Variants in PTPRN2 observed in about 807,000 individuals in gnomAD.
PTPRN2 encodes the protein protein tyrosine phosphatase receptor type N2, also known as receptor-type tyrosine-protein phosphatase N2.
In PTPRN2, 74 loss-of-function variants were observed where a neutral mutation model predicts 118.8. The observed-to-expected ratio is 0.62, with a 90% CI of 0.52 to 0.76. PTPRN2 has a LOEUF of 0.76. PTPRN2 is among the 30% of genes least tolerant of loss of function. The pLI is 0.00. For synonymous variants in PTPRN2, 641 were observed against 608.0 expected, an observed-to-expected ratio of 1.05 and a Z score of -0.80; for missense variants, 1,481 against 1,394.4, an observed-to-expected ratio of 1.06 and a Z score of -0.99.
chr7:157,816,578 C>T (rs531851321), intron 12 of PTPRN2, among the ~76,000 whole-genome samples: 1 of 152,338 alleles, frequency 6.6e-6, no homozygotes, highest in Admixed American at 6.5e-5. Flanking sequence ...CCCTAGTGTT[C>T]TTTTTACTGT....
intron 11 of PTPRN2, among the ~76,000 whole-genome samples, chr7:158,078,840 T>G (rs1052773597): frequency 4.0e-5 from 6 of 149,788 alleles, no homozygotes; most frequent in South Asian, 2.1e-4. Context: ...ATCTCTTGGG[T>G]TTTTTTTGTT....
chr7:158,327,609 A>C (rs1803757173), intron 2 of PTPRN2, among the ~76,000 whole-genome samples: 2 of 152,234 alleles, frequency 1.3e-5, no homozygotes, highest in Admixed American at 1.3e-4. Flanking sequence ...TCACACTCAG[A>C]ATAGCAGAAG....
chr7:158,400,605 G>A (rs998772590), intron 2 of PTPRN2, among the ~76,000 whole-genome samples: 7 of 152,100 alleles, frequency 4.6e-5, no homozygotes, highest in African/African-American at 1.2e-4. Context: ...TCTCAGCTAC[G>A]ATTCTCCTTG....
At chr7:158,356,697 C>A (rs781170496) in intron 2 of PTPRN2, among the ~76,000 whole-genome samples, 1 of 151,758 alleles carries the variant, frequency 6.6e-6, no homozygotes, top group Non-Finnish European at 1.5e-5. Context: ...ATCAGCCAGA[C>A]AGAGCCTGTG....
intron 3 of PTPRN2, among the ~76,000 whole-genome samples, chr7:158,270,783 A>ACCCCGTCCACCTGGGCCGC: frequency 2.0e-5 from 1 of 51,266 alleles, no homozygotes; most frequent in Non-Finnish European, 3.4e-5. Context: ...CACCTGGACC[A>ACCCCGTCCACCTGGGCCGC]CCCCTCCACC....
chr7:157,898,516 C>T (rs1472899785), intron 12 of PTPRN2, among the ~76,000 whole-genome samples, 157 bp downstream of exon 12: 1 of 152,176 alleles, frequency 6.6e-6, no homozygotes, highest in Non-Finnish European at 1.5e-5. Context: ...GTTTCCCACC[C>T]GCAGAGGATG....
At chr7:158,178,852 C>T (rs1031523231) in intron 5 of PTPRN2, among the ~76,000 whole-genome samples, 7 of 152,042 alleles carry the variant, frequency 4.6e-5, no homozygotes, top group African/African-American at 9.7e-5. Flanking sequence ...CTGCCTCGGC[C>T]GCCCAAAGTG....
In PTPRN2 at chr7:158,197,349, G is replaced by A. The variant is rs557404023; in HGVS notation, c.381-4854C>T. Among the ~76,000 whole-genome samples the A allele has an allele frequency of 4.3e-4, 65 of 152,260 alleles. 1 individual carries two copies. The highest frequency in any genetic ancestry group is 1.5e-3 in the African/African-American group (63 of 41,540). Reference sequence around the variant, plus strand: ...AGAAACACTTTAGGAAATACACTGGGGCTTGAGTGGATGTGGAACTCATTA... The same window carrying A: ...AGAAACACTTTAGGAAATACACTGGAGCTTGAGTGGATGTGGAACTCATTA... On this transcript the variant is annotated intron_variant, in intron 4 of 22. Coordinates refer to ENST00000389418, the MANE Select transcript of PTPRN2 (RefSeq NM_002847.5).
intron 11 of PTPRN2, among the ~76,000 whole-genome samples, chr7:157,978,114 T>C (rs1288950783): frequency 6.6e-6 from 1 of 151,978 alleles, no homozygotes; most frequent in Non-Finnish European, 1.5e-5. Flanking sequence ...GGTTTACAGA[T>C]GCCTTGGGCC....
At chr7:157,745,535 C>G (rs1201642733) in intron 12 of PTPRN2, among the ~76,000 whole-genome samples, 1 of 151,954 alleles carries the variant, frequency 6.6e-6, no homozygotes, top group Non-Finnish European at 1.5e-5. Context: ...GCTCCTCCGA[C>G]AATGCTCACC....
intron 3 of PTPRN2, among the ~76,000 whole-genome samples, chr7:158,249,031 C>G (rs548863693): frequency 1.4e-5 from 2 of 147,408 alleles, no homozygotes; most frequent in Non-Finnish European, 3.0e-5. Flanking sequence ...CATAAACACA[C>G]GTGCACACAT....
intron 2 of PTPRN2, among the ~76,000 whole-genome samples, chr7:158,337,573 G>C (rs1380636950): frequency 4.0e-5 from 5 of 126,470 alleles, no homozygotes; most frequent in Non-Finnish European, 8.3e-5. Flanking sequence ...ACCATAATTG[G>C]TGACACCTGC....
intron 12 of PTPRN2, among the ~76,000 whole-genome samples, chr7:157,807,917 G>A (rs1356751695): frequency 4.6e-5 from 7 of 152,208 alleles, no homozygotes; most frequent in Admixed American, 1.3e-4. Flanking sequence ...CCTGAGAACT[G>A]CTGCTATGAT....
At chr7:158,277,128 C>A (rs1799067628) in intron 3 of PTPRN2, among the ~76,000 whole-genome samples, 1 of 148,698 alleles carries the variant, frequency 6.7e-6, no homozygotes. Context: ...CACACACGTG[C>A]CCGCACACGC....
intron 12 of PTPRN2, among the ~76,000 whole-genome samples, chr7:157,775,911 A>C (rs1361909928): frequency 6.6e-6 from 1 of 152,014 alleles, no homozygotes; most frequent in Non-Finnish European, 1.5e-5. Context: ...CTGTGATGCT[A>C]TAGGGATGGT....
In PTPRN2 at chr7:158,021,918, T is replaced by C. The variant is rs372688809; in HGVS notation, c.1723+59380A>G. 2.3e-4 allele frequency among the ~76,000 whole-genome samples: 35 copies of C among 152,250 alleles called. 1 individual carries two copies. The highest frequency in any genetic ancestry group is 8.2e-4 in the African/African-American group (34 of 41,556). On this transcript the variant is annotated intron_variant, in intron 11 of 22. Coordinates refer to ENST00000389418, the MANE Select transcript of PTPRN2 (RefSeq NM_002847.5). Reference sequence around the variant, plus strand: ...TACCCACCTCTGTCCTAGTAAGTATTAAAATAAAAAATGAGGTGACCTCAC... The same window carrying C: ...TACCCACCTCTGTCCTAGTAAGTATCAAAATAAAAAATGAGGTGACCTCAC...
intron 13 of PTPRN2, among the ~76,000 whole-genome samples, chr7:157,658,682 T>G (rs1398729986): frequency 1.3e-5 from 2 of 152,252 alleles, no homozygotes; most frequent in African/African-American, 4.8e-5. Context: ...GTTTTGAAAG[T>G]GTTCTAACCA....
chr7:158,080,610 A>C (rs1211143725), intron 11 of PTPRN2, among the ~76,000 whole-genome samples: 1 of 152,016 alleles, frequency 6.6e-6, no homozygotes, highest in Non-Finnish European at 1.5e-5. Flanking sequence ...GTTGAGGAAA[A>C]TGCAACATTG....
At chr7:158,053,326 G>A (rs1809476870) in intron 11 of PTPRN2, among the ~76,000 whole-genome samples, 1 of 152,146 alleles carries the variant, frequency 6.6e-6, no homozygotes, top group Non-Finnish European at 1.5e-5. Context: ...AGAAACATGA[G>A]CTGGATGAGA....
Sources: allele counts gnomAD v4.1 joint callset (sites outside exome capture counted in the v4.1 genomes callset), GRCh38; gene constraint gnomAD v4.1.1; transcripts MANE v1.5; gene names NCBI Gene and HGNC (gene_info 2026-07-23, HGNC 2026-07-21).